TNFRSF8: variants seen among roughly 807,000 people sequenced by gnomAD.
The protein encoded by TNFRSF8 is TNF receptor superfamily member 8, also known as tumor necrosis factor receptor superfamily member 8.
TNFRSF8 carries 26 observed loss-of-function variants against 70.8 expected under a neutral mutation model. The ratio of observed to expected loss-of-function variants is 0.37; its 90% confidence interval spans 0.27 to 0.51. TNFRSF8 has a LOEUF of 0.51. Ranked by LOEUF, TNFRSF8 falls within the 20% of genes least tolerant of loss-of-function variation. TNFRSF8 has a pLI of 0.94. For missense variants in TNFRSF8, 720 were observed against 807.9 expected (o/e 0.89, Z 1.32); for synonymous variants, 356 against 339.2 (o/e 1.05, Z -0.54).
chr1:12,090,537 T>G (rs1227156728), intron 2 of TNFRSF8, among the ~76,000 whole-genome samples: 1 of 135,462 alleles, frequency 7.4e-6, no homozygotes. Context: ...CTCATCCACC[T>G]ACTCGTTTAT....
chr1:12,117,373 G>A (rs1039054526), intron 8 of TNFRSF8, among the ~76,000 whole-genome samples: 3 of 152,094 alleles, frequency 2.0e-5, no homozygotes, highest in South Asian at 2.1e-4. Flanking sequence ...GTGAGCCACC[G>A]TGCCTGGCCA....
At chr1:12,107,003 CT>C (rs1197579839) in intron 4 of TNFRSF8, among the ~76,000 whole-genome samples, 1 of 152,238 alleles carries the variant, frequency 6.6e-6, no homozygotes, top group East Asian at 1.9e-4. Context: ...GTTCCTGAGA[CT>C]GCCACACAGC....
intron 12 of TNFRSF8, among the ~76,000 whole-genome samples, chr1:12,132,302 C>T (rs1444508767): frequency 1.3e-5 from 2 of 152,260 alleles, no homozygotes; most frequent in Non-Finnish European, 2.9e-5. Context: ...GTTCCAGGAT[C>T]CCATCCAGGA....
chr1:12,085,560 G>A lies in TNFRSF8; in HGVS notation c.151+1009G>A, dbSNP rs572118029. 7.9e-5 allele frequency among the ~76,000 whole-genome samples: 12 copies of A among 152,252 alleles called. No individual in the cohort carries two copies. In the South Asian group the frequency reaches 1.5e-3, roughly 18 times the overall value. ...AGCCTCCATGCCTGGCCTCTTTGCC[G>A]TTCTTGACTGCCCCAGCTCAGGACA... On this transcript the variant is annotated intron_variant, in intron 2 of 14. Transcript: ENST00000263932.
chr1:12,111,982 G>T lies in TNFRSF8; in HGVS notation c.761G>T (p.Gly254Val), dbSNP rs1250092165. The T allele has an allele frequency of 1.2e-6, 2 of 1,614,130 alleles. No individual in the cohort carries two copies. The highest frequency in any genetic ancestry group is 1.7e-6 in the Non-Finnish European group (2 of 1,179,942). ...CEPDYYLDEA[G>V]RCTACVSCSR... ...CCCGACTACTACCTGGACGAGGCCG[G>T]CCGCTGCACGGCCTGCGTGAGCTGT... The change falls in exon 7 of 15, where the codon GGC (glycine) becomes GTC (valine). Residue 254 changes from glycine (G) to valine (V), a missense_variant. Physicochemically the swap from Gly to Val is moderately radical, Grantham distance 109. Coordinates refer to ENST00000263932, the MANE Select transcript of TNFRSF8 (RefSeq NM_001243.5).
chr1:12,129,676 G>T (rs1177550624), intron 12 of TNFRSF8, among the ~76,000 whole-genome samples: 1 of 152,150 alleles, frequency 6.6e-6, no homozygotes, highest in Non-Finnish European at 1.5e-5. Context: ...TCTTGGGCTG[G>T]AAGGTCCCAG....
chr1:12,082,687 C>T (rs551200112), intron 1 of TNFRSF8, among the ~76,000 whole-genome samples: 24 of 151,998 alleles, frequency 1.6e-4, no homozygotes, highest in African/African-American at 4.8e-4. Context: ...TGAATATGAA[C>T]GATTAAACAA....
At chr1:12,074,522 C>T (rs552513134) in intron 1 of TNFRSF8, among the ~76,000 whole-genome samples, 5 of 151,964 alleles carry the variant, frequency 3.3e-5, no homozygotes, top group African/African-American at 9.7e-5. Context: ...TCAAGTGATC[C>T]GCCCGCCTCG....
chr1:12,072,374 T>G (rs1009431195), intron 1 of TNFRSF8, among the ~76,000 whole-genome samples: 1 of 152,120 alleles, frequency 6.6e-6, no homozygotes, highest in Non-Finnish European at 1.5e-5. Context: ...TGGCCAGTAC[T>G]GCGTAGGGGA....
In TNFRSF8 at chr1:12,115,585, G is replaced by T; in HGVS notation, c.802G>T (p.Val268Leu). 1.2e-6 allele frequency: 2 copies of T among 1,614,196 alleles called. No homozygotes were observed. The highest frequency in any genetic ancestry group is 1.7e-6 in the Non-Finnish European group (2 of 1,180,052). ...TCATCTGTGTCCCTTAGATGACCTT[G>T]TGGAGAAGACGCCATGTGCATGGAA... is the stretch of plus-strand genomic sequence containing the variant. ...ACVSCSRDDLVEKTPCAWNSS... is the reference protein window; with the variant it reads ...ACVSCSRDDLLEKTPCAWNSS... The change falls in exon 8 of 15, where the codon GTG becomes TTG. Residue 268 changes from valine (V) to leucine (L), a missense_variant. By Grantham distance (32) the Val-to-Leu change is conservative (BLOSUM62 1). Transcript: ENST00000263932.
At chr1:12,073,568 T>TTTTCCC (rs1228309302) in intron 1 of TNFRSF8, among the ~76,000 whole-genome samples, 13 of 150,844 alleles carry the variant, frequency 8.6e-5, no homozygotes, top group Non-Finnish European at 1.9e-4. Context: ...TTCCCTTTCC[T>TTTTCCC]TTTCCCTTTC....
intron 3 of TNFRSF8, among the ~76,000 whole-genome samples, chr1:12,101,124 A>T (rs1641416527): frequency 6.6e-6 from 1 of 152,180 alleles, no homozygotes; most frequent in East Asian, 1.9e-4. Context: ...AAGTAGGAGT[A>T]CACTCTAAAA....
rs1435452373 is a variant in TNFRSF8 at position 12,112,114 on chromosome 1, T to C, written c.793+100T>C. 3.6e-6 allele frequency: 3 copies of C among 822,946 alleles called. No homozygotes were observed. The highest frequency in any genetic ancestry group is 2.6e-5 in the East Asian group (1 of 38,380). The allele number at this position is 822,946 out of a possible 1,614,324, so 51.0% of individuals were successfully genotyped here. ...CCCCCTTATGTTTGTGGGTTTTTGATGGGGGTCGCCTCTTTTCAGAGGGCT... is the reference window on the plus strand; with the variant it reads ...CCCCCTTATGTTTGTGGGTTTTTGACGGGGGTCGCCTCTTTTCAGAGGGCT... On this transcript the variant is annotated intron_variant, in intron 7 of 14. Transcript: ENST00000263932. The surrounding 1 kb of genome is among the most constrained non-coding windows in gnomAD (Gnocchi z 5.3).
intron 7 of TNFRSF8, 98 bp from the exon 8 acceptor site, chr1:12,115,479 C>A: frequency 2.3e-6 from 3 of 1,320,272 alleles, no homozygotes; most frequent in Non-Finnish European, 3.3e-6. Context: ...TGTTGGATGA[C>A]CCTTGGACAA....
chr1:12,076,439 C>T (rs1640969479), intron 1 of TNFRSF8, among the ~76,000 whole-genome samples: 1 of 152,090 alleles, frequency 6.6e-6, no homozygotes, highest in Admixed American at 6.6e-5. Context: ...TTTGGTAAGC[C>T]GCTTTTCATA....
intron 1 of TNFRSF8, among the ~76,000 whole-genome samples, chr1:12,073,305 C>T (rs1189760370): frequency 6.6e-6 from 1 of 151,966 alleles, no homozygotes; most frequent in Non-Finnish European, 1.5e-5. Context: ...TACACAAGCC[C>T]CTTCTGAGCA....
In TNFRSF8 at chr1:12,063,585, G is replaced by T. The variant is rs998929498; in HGVS notation, c.-14G>T. 33 of 1,310,978 alleles carry T rather than the reference G, an allele frequency of 2.5e-5. No individual in the cohort carries two copies. The highest frequency in any genetic ancestry group is 1.5e-4 in the South Asian group (7 of 46,068). 81.2% of individuals were successfully genotyped at this position (1,310,978 alleles called of 1,614,324 possible). On this transcript the variant is annotated 5_prime_UTR_variant, in exon 1 of 15. Transcript: ENST00000263932. This position sits in a 1 kb window ranked among gnomAD's most constrained non-coding sequence, Gnocchi z 7.2. ...GGCGCCGGCCGCCAGGCCACCTCAC[G>T]TCCGGCCCCGGGGATGCGCGTCCTC...
At chr1:12,099,943 T>C (rs928141327) in intron 3 of TNFRSF8, among the ~76,000 whole-genome samples, 2 of 151,296 alleles carry the variant, frequency 1.3e-5, no homozygotes, top group African/African-American at 4.9e-5. Flanking sequence ...CCGAGGAGGG[T>C]GGATTACCTG....
intron 13 of TNFRSF8, 141 bp downstream of exon 13, chr1:12,135,754 G>C: frequency 8.1e-7 from 1 of 1,237,212 alleles, no homozygotes; most frequent in Non-Finnish European, 1.1e-6. Context: ...ACAGTGCCCA[G>C]GGTGCAGGCC....
Sources: gnomAD v4.1 joint callset for allele counts (sites outside exome capture counted in the v4.1 genomes callset) on GRCh38, gnomAD v4.1.1 for gene constraint, Gnocchi (gnomAD v3.1) non-coding constraint, MANE v1.5 for transcripts, NCBI Gene and HGNC (gene_info 2026-07-23, HGNC 2026-07-21) for gene names.